Variants in CEP128 observed in about 807,000 individuals in gnomAD.
CEP128 encodes the protein centrosomal protein 128, also known as centrosomal protein 128kDa.
In CEP128, 132 loss-of-function variants were observed where a neutral mutation model predicts 156.7. That is an observed-to-expected ratio of 0.84 (90% CI 0.73 to 0.97). CEP128 has a LOEUF of 0.97. Among genes scored for constraint, CEP128 ranks in the 50% least tolerant of loss-of-function variants. The pLI is 0.00. For missense variants in CEP128, 1,252 were observed against 1,281.9 expected, an observed-to-expected ratio of 0.98 and a Z score of 0.36; for synonymous variants, 469 against 448.9, an observed-to-expected ratio of 1.04 and a Z score of -0.57.
chr14:80,919,368 T>C (rs1226363512), intron 2 of CEP128, among the ~76,000 whole-genome samples: 2 of 152,210 alleles, frequency 1.3e-5, no homozygotes, highest in Non-Finnish European at 2.9e-5. Context: ...TGCATGTATC[T>C]ATCACCAAGA....
chr14:80,857,195 T>G (rs758226036), intron 9 of CEP128, among the ~76,000 whole-genome samples: 1 of 148,706 alleles, frequency 6.7e-6, no homozygotes, highest in African/African-American at 2.5e-5. Context: ...ATATTGAACC[T>G]GCAAAAAAAG....
chr14:80,562,871 C>T (rs1304607762), intron 20 of CEP128, among the ~76,000 whole-genome samples: 1 of 151,554 alleles, frequency 6.6e-6, no homozygotes, highest in Non-Finnish European at 1.5e-5. Flanking sequence ...ACTATGTTAC[C>T]CAGGGTGGTC....
chr14:80,559,938 T>C (rs2140369391), intron 20 of CEP128, among the ~76,000 whole-genome samples: 1 of 152,300 alleles, frequency 6.6e-6, no homozygotes, highest in African/African-American at 2.4e-5. Context: ...AGCTAAATGA[T>C]TAAGAAAATG....
At chr14:80,851,374 G>A (rs1009538142) in intron 9 of CEP128, among the ~76,000 whole-genome samples, 2 of 152,114 alleles carry the variant, frequency 1.3e-5, no homozygotes, top group African/African-American at 2.4e-5. Flanking sequence ...TTTAGAAGGC[G>A]AGGAGGAACG....
chr14:80,876,958 C>A (rs1344334564), intron 8 of CEP128, among the ~76,000 whole-genome samples: 1 of 152,078 alleles, frequency 6.6e-6, no homozygotes, highest in South Asian at 2.1e-4. Flanking sequence ...CCTAAATAAA[C>A]CTTTATTGCA....
chr14:80,489,762 C>A (rs375346900), downstream of CEP128, among the ~76,000 whole-genome samples: 1 of 152,078 alleles, frequency 6.6e-6, no homozygotes, highest in Admixed American at 6.6e-5. Context: ...ACAATCAGAG[C>A]GGGGTGTGAC....
chr14:80,661,199 TC>T (rs146756305), intron 19 of CEP128, among the ~76,000 whole-genome samples: 15 of 151,856 alleles, frequency 9.9e-5, no homozygotes, highest in Non-Finnish European at 7.4e-5. Context: ...TAAAACGTGC[TC>T]CCCCCCACAG....
intron 2 of CEP128, among the ~76,000 whole-genome samples, chr14:80,947,338 C>T (rs899803109): frequency 2.6e-5 from 4 of 151,680 alleles, no homozygotes; most frequent in Non-Finnish European, 5.9e-5. Flanking sequence ...GGGGGGTGAC[C>T]ACAGAAAGCA....
At position 80,559,304 on chromosome 14, in the gene CEP128, T is replaced by C. The variant is rs746879116; in HGVS notation, c.2857-2A>G. ...CGTTTCTAATGCAATTACACGGTCC[T>C]GCAAAGAAAGCATAATATATAATTA... On this transcript the variant is annotated splice_acceptor_variant, in intron 20 of 24. Coordinates refer to ENST00000555265, the MANE Select transcript of CEP128 (RefSeq NM_152446.5). LOFTEE classifies it high-confidence loss of function. 2 of 1,597,884 alleles carry C rather than the reference T, an allele frequency of 1.3e-6. No homozygotes were observed. The highest frequency in any genetic ancestry group is 1.7e-6 in the Non-Finnish European group (2 of 1,174,204).
intron 19 of CEP128, among the ~76,000 whole-genome samples, chr14:80,672,316 A>G (rs1345856371): frequency 6.6e-6 from 1 of 150,932 alleles, no homozygotes; most frequent in African/African-American, 2.5e-5. Flanking sequence ...CCAAAAAAAA[A>G]AAAGGTGAAC....
intron 19 of CEP128, among the ~76,000 whole-genome samples, chr14:80,712,305 C>T (rs1897440772): frequency 6.6e-6 from 1 of 152,090 alleles, no homozygotes; most frequent in Non-Finnish European, 1.5e-5. Flanking sequence ...GGCAGGCTGT[C>T]CTTACTATTG....
intron 14 of CEP128, among the ~76,000 whole-genome samples, chr14:80,792,446 T>C (rs942118313): frequency 6.6e-6 from 1 of 152,232 alleles, no homozygotes; most frequent in Admixed American, 6.5e-5. Flanking sequence ...TTTAGTCATT[T>C]TTTTTCCATT....
chr14:80,596,842 A>AAGG (rs1555379468), intron 19 of CEP128, among the ~76,000 whole-genome samples: 99 of 69,880 alleles, frequency 1.4e-3, no homozygotes, highest in Non-Finnish European at 2.3e-3. Context: ...AAAAAAAAAA[A>AAGG]GGTGGGGGGG....
intron 19 of CEP128, among the ~76,000 whole-genome samples, chr14:80,605,113 T>G (rs567215196): frequency 6.6e-6 from 1 of 152,224 alleles, no homozygotes; most frequent in South Asian, 2.1e-4. Context: ...AAACTTAATC[T>G]TTCTTGGCCA....
chr14:80,856,010 G>A (rs1406477437), intron 9 of CEP128, among the ~76,000 whole-genome samples: 1 of 152,064 alleles, frequency 6.6e-6, no homozygotes, highest in Non-Finnish European at 1.5e-5. Context: ...AAAATGAATA[G>A]CTACTTCTTC....
At chr14:80,783,994 C>T (rs1442681990) in intron 15 of CEP128, among the ~76,000 whole-genome samples, 4 of 152,148 alleles carry the variant, frequency 2.6e-5, no homozygotes, top group Non-Finnish European at 5.9e-5. Context: ...TTACAGATGT[C>T]AACTATTTCA....
intron 2 of CEP128, among the ~76,000 whole-genome samples, chr14:80,952,842 T>C (rs987131919): frequency 3.9e-5 from 6 of 152,110 alleles, no homozygotes; most frequent in African/African-American, 1.4e-4. Context: ...TATATAAATA[T>C]AAGAGGATAA....
intron 2 of CEP128, among the ~76,000 whole-genome samples, chr14:80,932,352 G>A (rs1738430924): frequency 6.6e-6 from 1 of 152,192 alleles, no homozygotes; most frequent in South Asian, 2.1e-4. Flanking sequence ...TAAACCAGGT[G>A]AATCAACTTT....
chr14:80,544,323 G>A (rs1190214480), intron 21 of CEP128, among the ~76,000 whole-genome samples: 2 of 152,140 alleles, frequency 1.3e-5, no homozygotes, highest in Non-Finnish European at 2.9e-5. Context: ...TAAAGTGGGT[G>A]GCTTAAACAA....
Sources: gnomAD v4.1 joint callset for allele counts (sites outside exome capture counted in the v4.1 genomes callset) on GRCh38, gnomAD v4.1.1 for gene constraint, MANE v1.5 for transcripts, NCBI Gene and HGNC (gene_info 2026-07-23, HGNC 2026-07-21) for gene names.